The following KLHL26 variants were observed in gnomAD, a reference collection of about 807,000 sequenced individuals.
The protein encoded by KLHL26 is kelch like family member 26.
A neutral mutation model predicts 7.1 loss-of-function variants in KLHL26; 4 were observed. The observed-to-expected ratio is 0.56, with a 90% CI of 0.28 to 1.28. The LOEUF (loss-of-function observed/expected upper bound fraction) is 1.28, where lower values mean the gene tolerates loss of function less well. Among genes scored for constraint, KLHL26 ranks in the 50% most tolerant of loss-of-function variants. KLHL26 has a pLI of 0.11. For missense variants in KLHL26, 896 were observed against 924.6 expected, an observed-to-expected ratio of 0.97 and a Z score of 0.40; for synonymous variants, 465 against 414.1, an observed-to-expected ratio of 1.12 and a Z score of -1.49.
chr19:18,637,654 G>T (rs968505578), intron 1 of KLHL26, among the ~76,000 whole-genome samples: 2 of 151,152 alleles, frequency 1.3e-5, no homozygotes, highest in Non-Finnish European at 2.9e-5. Context: ...GAGGCTCTGG[G>T]TGGGGGACTT....
In KLHL26 at chr19:18,668,718, G is replaced by C. The variant is rs1176313113; in HGVS notation, c.1321G>C (p.Gly441Arg). The C allele has an allele frequency of 1.3e-6, 2 of 1,578,116 alleles. No individual in the cohort carries two copies. Among genetic ancestry groups the C allele is most frequent in the African/African-American group, 2.7e-5 (2 of 74,204 alleles). The change falls in exon 3 of 3, where the codon GGC becomes CGC. Residue 441 changes from glycine to arginine, a missense_variant. Gly to Arg is a moderately radical substitution (Grantham distance 125). Coordinates refer to ENST00000300976, the MANE Select transcript of KLHL26 (RefSeq NM_018316.3). ...GTACTGCCCCCGGCGCAATGAGTGG[G>C]GCTACGCCTGCTCGCTGAAGCGCCG... is the stretch of plus-strand genomic sequence containing the variant. The part of the protein sequence containing the change: ...ERYCPRRNEW[G>R]YACSLKRRTW...
At position 18,649,835 on chromosome 19, in the gene KLHL26, G is replaced by A. The variant is rs988368817; in HGVS notation, c.83+12698G>A. On this transcript the variant is annotated intron_variant, in intron 1 of 2. Coordinates refer to ENST00000300976, the MANE Select transcript of KLHL26 (RefSeq NM_018316.3). The surrounding 1 kb of genome is among the most constrained non-coding windows in gnomAD (Gnocchi z 4.0). Reference sequence around the variant, plus strand: ...CACAGGACTCGTCTCCAACGGCTGCGCCAGCAATTCCCTAGCATTCCTCCT... The same window carrying A: ...CACAGGACTCGTCTCCAACGGCTGCACCAGCAATTCCCTAGCATTCCTCCT... Among the ~76,000 whole-genome samples, 2 of 152,124 alleles carry A rather than the reference G, an allele frequency of 1.3e-5. No individual in the cohort carries two copies. Among genetic ancestry groups the A allele is most frequent in the African/African-American group, 2.4e-5 (1 of 41,418 alleles).
chr19:18,668,771 A>T lies in KLHL26; in HGVS notation c.1374A>T (p.Ser458=). 6.3e-7 allele frequency: 1 copy of T among 1,593,630 alleles called. No individual in the cohort carries two copies. Residue 458 remains serine, a synonymous_variant, in exon 3 of 3, where the codon TCA becomes TCT. Transcript: ENST00000300976. ...CCTGGGGCCATGCTGGGGCCGCCTC[A>T]GGGGGCCGCCTCTACATCTCGGGTG... ...RRTWGHAGAA[S]GGRLYISGGY... is the part of the protein sequence containing the mutation.
chr19:18,637,054 G>A lies in KLHL26; in HGVS notation c.-1G>A. On this transcript the variant is annotated 5_prime_UTR_variant, in exon 1 of 3. Coordinates refer to ENST00000300976, the MANE Select transcript of KLHL26 (RefSeq NM_018316.3). ...CTCGAACGCGCGACGGCGGGGGGAA[G>A]ATGGCGGAGTCCGGCGGTAGCAGCG... The A allele has an allele frequency of 7.3e-7, 1 of 1,366,278 alleles. No individual in the cohort carries two copies. Among genetic ancestry groups the A allele is most frequent in the East Asian group, 3.1e-5 (1 of 32,342 alleles). The allele number at this position is 1,366,278 out of a possible 1,614,324, so 84.6% of individuals were successfully genotyped here.
chr19:18,637,058 GC>G lies in KLHL26; in HGVS notation c.5del (p.Ala2GlyfsTer66). On this transcript the variant is annotated frameshift_variant, in exon 1 of 3. Coordinates refer to ENST00000300976, the MANE Select transcript of KLHL26 (RefSeq NM_018316.3). LOFTEE classifies it high-confidence loss of function. ...AACGCGCGACGGCGGGGGGAAGATGGCGGAGTCCGGCGGTAGCAGCGGTGGT... is the reference window on the plus strand; with the variant it reads ...AACGCGCGACGGCGGGGGGAAGATGGGGAGTCCGGCGGTAGCAGCGGTGGT... The part of the protein sequence containing the change: M[A>X]ESGGSSGGAG... The G allele has an allele frequency of 7.3e-7, 1 of 1,372,050 alleles. No individual in the cohort carries two copies. The highest frequency in any genetic ancestry group is 1.7e-5 in the South Asian group (1 of 59,276). The allele number at this position is 1,372,050 out of a possible 1,614,324, so 85.0% of individuals were successfully genotyped here.
chr19:18,662,020 C>G (rs1294158333), intron 1 of KLHL26, among the ~76,000 whole-genome samples: 1 of 152,204 alleles, frequency 6.6e-6, no homozygotes, highest in Non-Finnish European at 1.5e-5. Flanking sequence ...GCTGGGAACA[C>G]AGGCTCATGC....
Position 18,668,803 on chromosome 19 carries a change from G to T in KLHL26, c.1406G>T (p.Gly469Val). 6.3e-7 allele frequency: 1 copy of T among 1,595,892 alleles called. No homozygotes were observed. The highest frequency in any genetic ancestry group is 2.2e-5 in the East Asian group (1 of 44,838). ...CGCCTCTACATCTCGGGTGGCTACG[G>T]GATCTCAGTGGAGGACAAGAAGGCC... ...GGRLYISGGYGISVEDKKALH... is the reference protein window; with the variant it reads ...GGRLYISGGYVISVEDKKALH... The change falls in exon 3 of 3, where the codon GGG (glycine) becomes GTG (valine). Residue 469 changes from glycine to valine, a missense_variant. Gly to Val is a moderately radical substitution (Grantham distance 109, BLOSUM62 -3). Transcript: ENST00000300976.
intron 1 of KLHL26, among the ~76,000 whole-genome samples, chr19:18,654,456 A>C: frequency 7.4e-6 from 1 of 134,672 alleles, no homozygotes; most frequent in Non-Finnish European, 1.6e-5. Context: ...CCATCCACCA[A>C]TCCTCTCATC....
At position 18,668,740 on chromosome 19, in the gene KLHL26, G is replaced by A; in HGVS notation, c.1343G>A (p.Arg448His). 1.9e-6 allele frequency: 3 copies of A among 1,584,232 alleles called. No homozygotes were observed. The highest frequency in any genetic ancestry group is 1.1e-5 in the South Asian group (1 of 88,640). ...TGGGGCTACGCCTGCTCGCTGAAGC[G>A]CCGTACCTGGGGCCATGCTGGGGCC... ...NEWGYACSLK[R>H]RTWGHAGAAS... The change falls in exon 3 of 3, where the codon CGC (arginine) becomes CAC (histidine). Residue 448 changes from arginine to histidine, a missense_variant. Transcript: ENST00000300976.
At chr19:18,661,263 G>A (rs1206507702) in intron 1 of KLHL26, among the ~76,000 whole-genome samples, 1 of 152,022 alleles carries the variant, frequency 6.6e-6, no homozygotes, top group Non-Finnish European at 1.5e-5. Context: ...CTGCCTTCTG[G>A]GTTCCGGGCA....
At chr19:18,660,914 C>A (rs376641371) in intron 1 of KLHL26, among the ~76,000 whole-genome samples, 3 of 152,320 alleles carry the variant, frequency 2.0e-5, no homozygotes, top group African/African-American at 7.2e-5. Flanking sequence ...CCTCTTTGGT[C>A]CAGCGTGGGC....
intron 2 of KLHL26, chr19:18,667,363 T>G (rs2052458996): frequency 2.2e-6 from 1 of 452,210 alleles, no homozygotes; most frequent in Non-Finnish European, 4.1e-6. Context: ...TTTGTTTGTT[T>G]GTTTGTTTTT....
intron 1 of KLHL26, chr19:18,659,617 G>T (rs948485400): frequency 2.0e-5 from 3 of 152,226 alleles, no homozygotes; most frequent in Non-Finnish European, 2.9e-5. Context: ...AAACCCCAAA[G>T]AAATGTTTCC....
chr19:18,663,828 G>A (rs867132539), intron 1 of KLHL26, among the ~76,000 whole-genome samples: 3 of 146,306 alleles, frequency 2.1e-5, no homozygotes, highest in Non-Finnish European at 3.0e-5. Context: ...CAGAGGGCTC[G>A]TATACTCTGG....
At position 18,637,069 on chromosome 19, in the gene KLHL26, C is replaced by A. The variant is rs774030760; in HGVS notation, c.15C>A (p.Gly5=). The change falls in exon 1 of 3, where the codon GGC becomes GGA. Residue 5 remains glycine (G), a synonymous_variant. Coordinates refer to ENST00000300976, the MANE Select transcript of KLHL26 (RefSeq NM_018316.3). MAES[G]GSSGGAGGGG... ...GCGGGGGGAAGATGGCGGAGTCCGG[C>A]GGTAGCAGCGGTGGTGCTGGTGGCG... 16 of 1,381,394 alleles carry A rather than the reference C, an allele frequency of 1.2e-5. No homozygotes were observed. In the East Asian group the frequency reaches 4.3e-4, roughly 37 times the overall value. 85.6% of individuals were successfully genotyped at this position (1,381,394 alleles called of 1,614,324 possible). A position where few individuals can be genotyped will look rare whatever the true frequency, so the allele number is the denominator to read the frequency against.
Position 18,650,281 on chromosome 19 carries a change from G to A in KLHL26, c.83+13144G>A, listed in dbSNP as rs577917891. ...CTGCCTAAGGAGGCAGAGCAGAGAG[G>A]CATGTGATCACCCAGATCGTCTGAG... is the stretch of plus-strand genomic sequence containing the variant. On this transcript the variant is annotated intron_variant, in intron 1 of 2. Transcript: ENST00000300976. The surrounding 1 kb of genome is among the most constrained non-coding windows in gnomAD (Gnocchi z 4.2). Among the ~76,000 whole-genome samples, 381 of 152,350 alleles carry A rather than the reference G, an allele frequency of 2.5e-3. 3 individuals carry two copies. Among genetic ancestry groups the A allele is most frequent in the Non-Finnish European group, 2.9e-3 (200 of 68,030 alleles).
At chr19:18,645,758 G>GC (rs1221966455) in intron 1 of KLHL26, among the ~76,000 whole-genome samples, 1 of 151,256 alleles carries the variant, frequency 6.6e-6, no homozygotes, top group Non-Finnish European at 1.5e-5. Context: ...GTTGCAATGA[G>GC]CCGAGATCCT....
Position 18,669,474 on chromosome 19 carries a change from T to C in KLHL26, c.*229T>C. ...GCCTGCCGGCAAAGCGTCTGACATGTGGTGGCAGCAAATTCGTCCCCGGGG... is the reference window on the plus strand; with the variant it reads ...GCCTGCCGGCAAAGCGTCTGACATGCGGTGGCAGCAAATTCGTCCCCGGGG... On this transcript the variant is annotated 3_prime_UTR_variant, in exon 3 of 3. Coordinates refer to ENST00000300976, the MANE Select transcript of KLHL26 (RefSeq NM_018316.3). The C allele has an allele frequency of 1.7e-6, 1 of 575,570 alleles. No individual in the cohort carries two copies. Among genetic ancestry groups the C allele is most frequent in the Non-Finnish European group, 3.1e-6 (1 of 326,550 alleles). The allele number at this position is 575,570 out of a possible 1,614,324, so 35.7% of individuals were successfully genotyped here. A position where few individuals can be genotyped will look rare whatever the true frequency, so the allele number is the denominator to read the frequency against.
chr19:18,663,254 G>C (rs1032041275), intron 1 of KLHL26, among the ~76,000 whole-genome samples: 1 of 152,202 alleles, frequency 6.6e-6, no homozygotes, highest in Non-Finnish European at 1.5e-5. Flanking sequence ...GCTGTGGTCA[G>C]CGCCTGGCCC....
Sources: gnomAD v4.1 joint callset for allele counts (sites outside exome capture counted in the v4.1 genomes callset) on GRCh38, gnomAD v4.1.1 for gene constraint, Gnocchi (gnomAD v3.1) non-coding constraint, MANE v1.5 for transcripts, NCBI Gene and HGNC (gene_info 2026-07-23, HGNC 2026-07-21) for gene names.